The following DRC8 variants were observed in gnomAD, a reference collection of about 807,000 sequenced individuals.
The protein encoded by DRC8 is dynein regulatory complex subunit 8, also known as dynein regulatory complex protein 8.
the DRC8 span, among the ~76,000 whole-genome samples, chr1:245,100,611 T>C: frequency 6.6e-6 from 1 of 151,520 alleles, no homozygotes; most frequent in Non-Finnish European, 1.5e-5. Flanking sequence ...TGAAACCCTG[T>C]CTCTACCAAA....
chr1:245,070,280 C>T, the DRC8 span, among the ~76,000 whole-genome samples: 1 of 152,078 alleles, frequency 6.6e-6, no homozygotes, highest in African/African-American at 2.4e-5. Context: ...AATTATATGG[C>T]AATGACCATA....
chr1:245,069,646 T>G, the DRC8 span, among the ~76,000 whole-genome samples: 3 of 152,206 alleles, frequency 2.0e-5, no homozygotes, highest in South Asian at 6.2e-4. Context: ...GAGCTGCTGT[T>G]CAATGAGTAC....
the DRC8 span, among the ~76,000 whole-genome samples, chr1:244,993,564 A>G: frequency 6.6e-6 from 1 of 152,236 alleles, no homozygotes; most frequent in African/African-American, 2.4e-5. Flanking sequence ...ACATCCACAG[A>G]CACTTCTATC....
At chr1:245,039,465 G>A in the DRC8 span, among the ~76,000 whole-genome samples, 1 of 142,066 alleles carries the variant, frequency 7.0e-6, no homozygotes, top group Non-Finnish European at 1.5e-5. Flanking sequence ...AGAGTGAGAC[G>A]CTGCCTCTTA....
At chr1:244,974,001 T>C in the DRC8 span, among the ~76,000 whole-genome samples, 1 of 152,206 alleles carries the variant, frequency 6.6e-6, no homozygotes, top group Non-Finnish European at 1.5e-5. Flanking sequence ...CAGAATTATA[T>C]TAGCTAAAAG....
the DRC8 span, among the ~76,000 whole-genome samples, chr1:245,025,643 C>T: frequency 5.1e-4 from 77 of 152,222 alleles, no homozygotes; most frequent in Admixed American, 1.3e-3. Context: ...CTTTACAGTG[C>T]GACCTTATTT....
the DRC8 span, among the ~76,000 whole-genome samples, chr1:245,038,821 T>A: frequency 6.6e-6 from 1 of 151,402 alleles, no homozygotes. Context: ...GAAAAATAAC[T>A]CAAAACAAAA....
chr1:245,109,276 T>C, the DRC8 span, among the ~76,000 whole-genome samples: 241 of 152,282 alleles, frequency 1.6e-3, 1 homozygote, highest in African/African-American at 5.6e-3. Context: ...CATGAACCCC[T>C]TAGGCAGTAG....
At chr1:244,980,040 T>TAAAAAAAAAAAAAAAAAAA in the DRC8 span, among the ~76,000 whole-genome samples, 2 of 34,732 alleles carry the variant, frequency 5.8e-5, no homozygotes, top group Non-Finnish European at 9.4e-5. Flanking sequence ...CCGTCTCTAC[T>TAAAAAAAAAAAAAAAAAAA]AAAAAAAAAA....
At chr1:245,095,094 A>G in the DRC8 span, among the ~76,000 whole-genome samples, 1 of 152,216 alleles carries the variant, frequency 6.6e-6, no homozygotes, top group Non-Finnish European at 1.5e-5. Flanking sequence ...GAGGGCAAGG[A>G]AGCATGGTGC....
chr1:245,096,130 G>T, the DRC8 span, among the ~76,000 whole-genome samples: 4 of 152,258 alleles, frequency 2.6e-5, no homozygotes, highest in East Asian at 7.7e-4. Flanking sequence ...AAACCCCTCG[G>T]CTGCTATGAA....
the DRC8 span, among the ~76,000 whole-genome samples, chr1:245,011,603 A>G: frequency 1.3e-5 from 2 of 152,234 alleles, no homozygotes; most frequent in Non-Finnish European, 2.9e-5. Flanking sequence ...TTTTGGATTT[A>G]GCATTTTCAG....
At chr1:245,036,972 G>T in the DRC8 span, among the ~76,000 whole-genome samples, 1 of 152,140 alleles carries the variant, frequency 6.6e-6, no homozygotes, top group African/African-American at 2.4e-5. Flanking sequence ...AAAATCAATT[G>T]ATGAAAAAGC....
the DRC8 span, among the ~76,000 whole-genome samples, chr1:245,076,915 T>G: frequency 6.6e-6 from 1 of 151,938 alleles, no homozygotes; most frequent in Non-Finnish European, 1.5e-5. Context: ...TTAGTAGAGA[T>G]GGGGTTTCGC....
At chr1:245,053,781 G>A in the DRC8 span, among the ~76,000 whole-genome samples, 1 of 152,174 alleles carries the variant, frequency 6.6e-6, no homozygotes, top group Non-Finnish European at 1.5e-5. Context: ...TAGCAGATTC[G>A]CTCAGCAGAG....
At chr1:245,040,115 C>T in the DRC8 span, among the ~76,000 whole-genome samples, 2 of 152,158 alleles carry the variant, frequency 1.3e-5, no homozygotes, top group African/African-American at 2.4e-5. Context: ...TTTTGCCAAG[C>T]GGCGTTTTGG....
At chr1:245,022,775 T>G in the DRC8 span, among the ~76,000 whole-genome samples, 1 of 152,270 alleles carries the variant, frequency 6.6e-6, no homozygotes, top group Non-Finnish European at 1.5e-5. Context: ...ATAGATAACC[T>G]AAAATTTATC....
chr1:245,095,078 G>T, the DRC8 span, among the ~76,000 whole-genome samples: 1 of 152,236 alleles, frequency 6.6e-6, no homozygotes, highest in Non-Finnish European at 1.5e-5. Flanking sequence ...AGCCAAGGGG[G>T]CATCTGAGGG....
the DRC8 span, chr1:245,087,992 GATAGTGTAAGGTAGTGGCA>G: frequency 4.5e-6 from 1 of 221,822 alleles, no homozygotes; most frequent in Non-Finnish European, 7.6e-6. Context: ...AGTGGAAGTT[GATAGTGTAAGGTAGTGGCA>G]ATTCTCCCTT....
Sources: gnomAD v4.1 joint callset for allele counts (sites outside exome capture counted in the v4.1 genomes callset) on GRCh38, gnomAD v4.1.1 for gene constraint, MANE v1.5 for transcripts, NCBI Gene and HGNC (gene_info 2026-07-23, HGNC 2026-07-21) for gene names.